Variants in RASGRP2 observed in about 807,000 individuals in gnomAD.
The protein encoded by RASGRP2 is RAS guanyl-releasing protein 2.
In RASGRP2, 44 loss-of-function variants were observed where a neutral mutation model predicts 71.0. The observed-to-expected ratio is 0.62, with a 90% confidence interval of 0.49 to 0.80. The LOEUF (loss-of-function observed/expected upper bound fraction) is 0.80. Ranked by LOEUF, RASGRP2 falls within the 30% of genes least tolerant of loss-of-function variation. The probability of loss-of-function intolerance (pLI) is 0.00; values close to 1 mark genes in which losing one functional copy is unlikely to be tolerated. For missense variants in RASGRP2, 663 were observed against 813.4 expected (o/e 0.82, Z 2.25); for synonymous variants, 350 against 330.7 (o/e 1.06, Z -0.63).
At position 64,735,974 on chromosome 11, in the gene RASGRP2, G is replaced by C. The variant is rs949884432; in HGVS notation, c.1102C>G (p.Leu368Val). Residue 368 changes from leucine to valine, a missense_variant, in exon 10 of 17, where the codon CTG (leucine) becomes GTG (valine). By Grantham distance (32) the Leu-to-Val change is conservative. Coordinates refer to ENST00000394432, the MANE Select transcript of RASGRP2 (RefSeq NM_001098671.2). The surrounding 1 kb of genome is among the most constrained non-coding windows in gnomAD (Gnocchi z 4.2). ...PDLLSLLTVS[L>V]DQYQTEDELY... ...TCATCCTCCGTCTGATACTGATCCAGAGACACCTGGGACACACAGATCTGA... is the reference window on the plus strand; with the variant it reads ...TCATCCTCCGTCTGATACTGATCCACAGACACCTGGGACACACAGATCTGA... The C allele has an allele frequency of 2.5e-6, 4 of 1,613,690 alleles. No homozygotes were observed. The highest frequency in any genetic ancestry group is 1.3e-5 in the African/African-American group (1 of 74,884).
At position 64,741,355 on chromosome 11, in the gene RASGRP2, C is replaced by T. The variant is rs558912311; in HGVS notation, c.239+84G>A. Reference sequence around the variant, plus strand: ...GGTTCAAACCCACTCCCAGAAACAGCGCCCTGCCCCCTCCTCCAGGCCAGC... The same window carrying T: ...GGTTCAAACCCACTCCCAGAAACAGTGCCCTGCCCCCTCCTCCAGGCCAGC... On this transcript the variant is annotated intron_variant, in intron 4 of 16. Transcript: ENST00000394432. The T allele has an allele frequency of 1.5e-5, 21 of 1,403,040 alleles. No homozygotes were observed. In the African/African-American group the frequency reaches 1.6e-4, roughly 11 times the overall value. 86.9% of individuals were successfully genotyped at this position (1,403,040 alleles called of 1,614,324 possible). A position where few individuals can be genotyped will look rare whatever the true frequency, so the allele number is the denominator to read the frequency against.
At position 64,742,406 on chromosome 11, in the gene RASGRP2, G is replaced by A; in HGVS notation, c.74-294C>T. ...GGTTCCCCGGGGTCAAGAATCCAGA[G>A]GTCATTTCCTGAGCGCTTGGGGGGA... On this transcript the variant is annotated intron_variant, in intron 2 of 16. Transcript: ENST00000394432. This position sits in a 1 kb window ranked among gnomAD's most constrained non-coding sequence, Gnocchi z 4.7. The A allele has an allele frequency of 1.7e-6, 1 of 573,374 alleles. No homozygotes were observed. Among genetic ancestry groups the A allele is most frequent in the Non-Finnish European group, 3.1e-6 (1 of 319,718 alleles). The allele number at this position is 573,374 out of a possible 1,614,324, so 35.5% of individuals were successfully genotyped here.
chr11:64,729,113 T>C lies in RASGRP2; in HGVS notation c.1592-71A>G, dbSNP rs1277034479. 33 of 1,474,202 alleles carry C rather than the reference T, an allele frequency of 2.2e-5. 1 individual carries two copies. Among genetic ancestry groups the C allele is most frequent in the Admixed American group, 3.9e-5 (2 of 51,040 alleles). 91.3% of individuals were successfully genotyped at this position (1,474,202 alleles called of 1,614,324 possible). On this transcript the variant is annotated intron_variant, in intron 14 of 16. Transcript: ENST00000394432. ...TACCCTCCATCCCATCCCGCAGGCT[T>C]GTGCCCCCCTACCAGGAACCTTTGT...
upstream of RASGRP2, chr11:64,744,343 T>G (rs1354099630): frequency 1.0e-6 from 1 of 983,524 alleles, no homozygotes; most frequent in Non-Finnish European, 1.2e-6. Flanking sequence ...TCCCCCAGGC[T>G]GGAGGACAGG....
In RASGRP2 at chr11:64,742,503, T is replaced by G; in HGVS notation, c.73+291A>C. 1 of 577,084 alleles carries G rather than the reference T, an allele frequency of 1.7e-6. No individual in the cohort carries two copies. Among genetic ancestry groups the G allele is most frequent in the East Asian group, 2.9e-5 (1 of 34,314 alleles). The allele number at this position is 577,084 out of a possible 1,614,324, so 35.7% of individuals were successfully genotyped here. A position where few individuals can be genotyped will look rare whatever the true frequency, so the allele number is the denominator to read the frequency against. ...AGCTCCCAGGCCGGAGATAGCGAGT[T>G]CCTCCGGATTCCCCGGGAGACAGAT... is the stretch of plus-strand genomic sequence containing the variant. On this transcript the variant is annotated intron_variant, in intron 2 of 16. Coordinates refer to ENST00000394432, the MANE Select transcript of RASGRP2 (RefSeq NM_001098671.2). The surrounding 1 kb of genome is among the most constrained non-coding windows in gnomAD (Gnocchi z 4.7).
At chr11:64,727,192 C>T in intron 16 of RASGRP2, 61 bp from the exon 17 acceptor site, 1 of 990,214 alleles carries the variant, frequency 1.0e-6, no homozygotes, top group Non-Finnish European at 1.6e-6. Flanking sequence ...TAGTAGCCCA[C>T]CTGGCTTGGA....
In RASGRP2 at chr11:64,743,090, GA is replaced by G; in HGVS notation, c.-71-154del. The G allele has an allele frequency of 1.1e-6, 1 of 871,172 alleles. No homozygotes were observed. The highest frequency in any genetic ancestry group is 1.8e-6 in the Non-Finnish European group (1 of 543,436). The allele number at this position is 871,172 out of a possible 1,614,324, so 54.0% of individuals were successfully genotyped here. ...CCCGGGGTTAAACGGTCTGGCCCGG[GA>G]TGGTGCAACCCGCCAGTTGGGAAAC... On this transcript the variant is annotated intron_variant, in intron 1 of 16. Transcript: ENST00000394432. The surrounding 1 kb of genome is among the most constrained non-coding windows in gnomAD (Gnocchi z 4.9).
At chr11:64,734,010 G>A (rs1207650843) in intron 12 of RASGRP2, among the ~76,000 whole-genome samples, 1 of 151,652 alleles carries the variant, frequency 6.6e-6, no homozygotes, top group African/African-American at 2.4e-5. Context: ...TGCCACCCAT[G>A]CCCAAAAAAA....
rs143992382 is a variant in RASGRP2, at chr11:64,736,774, G to A, written c.1074C>T (p.Pro358=). 4.6e-5 allele frequency: 74 copies of A among 1,596,628 alleles called. 1 individual carries two copies. The highest frequency in any genetic ancestry group is 5.5e-5 in the Non-Finnish European group (64 of 1,172,368). The change falls in exon 9 of 17, where the codon CCC becomes CCT. Residue 358 remains proline, a synonymous_variant. Transcript: ENST00000394432. ...TCACCGTGAGCAGGCTCAGCAGGTC[G>A]GGGTTGGCCTGTACTGGTGGCCGCA... ...TSLRPPVQAN[P]DLLSLLTVSL...
At position 64,739,113 on chromosome 11, in the gene RASGRP2, T is replaced by C. The variant is rs540092433; in HGVS notation, c.813+247A>G. 1.3e-5 allele frequency among the ~76,000 whole-genome samples: 2 copies of C among 150,774 alleles called. No homozygotes were observed. The highest frequency in any genetic ancestry group is 4.9e-5 in the African/African-American group (2 of 40,868). The stretch of plus-strand genomic sequence containing the variant: ...GTGACTGCACCACTGAACTCCAGTC[T>C]GGACAACAGAGAGAGAGACCCTGTC... On this transcript the variant is annotated intron_variant, in intron 8 of 16. Coordinates refer to ENST00000394432, the MANE Select transcript of RASGRP2 (RefSeq NM_001098671.2). This position sits in a 1 kb window ranked among gnomAD's most constrained non-coding sequence, Gnocchi z 4.2.
Position 64,739,414 on chromosome 11 carries a change from G to T in RASGRP2, c.759C>A (p.Ser253Arg), listed in dbSNP as rs760934443. ...LMAVVGGLSH[S>R]SISRLKETHS... ...GGGTCTCCTTGAGGCGGGAGATGGAGCTGTGGCTCAGGCCCCCGACCACTG... is the reference window on the plus strand; with the variant it reads ...GGGTCTCCTTGAGGCGGGAGATGGATCTGTGGCTCAGGCCCCCGACCACTG... The change falls in exon 8 of 17, where the codon AGC (serine) becomes AGA (arginine). Residue 253 changes from serine to arginine, a missense_variant. By Grantham distance (110) the Ser-to-Arg change is moderately radical. Transcript: ENST00000394432. This position sits in a 1 kb window ranked among gnomAD's most constrained non-coding sequence, Gnocchi z 4.2. 6.2e-7 allele frequency: 1 copy of T among 1,614,188 alleles called. No homozygotes were observed. Among genetic ancestry groups the T allele is most frequent in the Non-Finnish European group, 8.5e-7 (1 of 1,180,038 alleles).
At chr11:64,732,737 C>T (rs1269917440) in intron 12 of RASGRP2, among the ~76,000 whole-genome samples, 10 of 151,258 alleles carry the variant, frequency 6.6e-5, no homozygotes, top group African/African-American at 2.2e-4. Flanking sequence ...GCCGAGATCG[C>T]GCCACCGCAC....
In RASGRP2 at chr11:64,742,988, C is replaced by G. The variant is rs2058186587; in HGVS notation, c.-71-51G>C. ...GTCTGCGGAGTCGCGGGCGGGGGAG[C>G]GGCCCCGCGGGCAGAAACGGGGCGG... On this transcript the variant is annotated intron_variant, in intron 1 of 16. Transcript: ENST00000394432. The surrounding 1 kb of genome is among the most constrained non-coding windows in gnomAD (Gnocchi z 4.7). The G allele has an allele frequency of 3.3e-6, 5 of 1,502,210 alleles. No homozygotes were observed. In the Admixed American group the frequency reaches 8.5e-5, roughly 25 times the overall value. The allele number at this position is 1,502,210 out of a possible 1,614,324, so 93.1% of individuals were successfully genotyped here.
chr11:64,727,079 T>A lies in RASGRP2; in HGVS notation c.*59A>T. On this transcript the variant is annotated 3_prime_UTR_variant, in exon 17 of 17. Coordinates refer to ENST00000394432, the MANE Select transcript of RASGRP2 (RefSeq NM_001098671.2). ...GCCCCGACACCCCCAGGCTCCCTGC[T>A]CTGGTTGAAGTATTTTCTCCAAGGC... The A allele has an allele frequency of 8.2e-6, 3 of 365,458 alleles. No individual in the cohort carries two copies. The highest frequency in any genetic ancestry group is 1.1e-5 in the Non-Finnish European group (2 of 185,790). 22.6% of individuals were successfully genotyped at this position (365,458 alleles called of 1,614,324 possible). A position where few individuals can be genotyped will look rare whatever the true frequency, so the allele number is the denominator to read the frequency against.
At chr11:64,737,437 A>G (rs945530534) in intron 8 of RASGRP2, among the ~76,000 whole-genome samples, 1 of 152,092 alleles carries the variant, frequency 6.6e-6, no homozygotes, top group Non-Finnish European at 1.5e-5. Flanking sequence ...TTGGGAGGCC[A>G]TGGCAGATGG....
chr11:64,730,213 GC>G lies in RASGRP2; in HGVS notation c.1413-20del. The G allele has an allele frequency of 1.3e-6, 2 of 1,551,486 alleles. No individual in the cohort carries two copies. The highest frequency in any genetic ancestry group is 1.7e-6 in the Non-Finnish European group (2 of 1,147,000). ...GCCATCCCTGTGGGGAGTTGCGGGG[GC>G]GCTTCAGCTCGGGCCCTCCCCAGAA... On this transcript the variant is annotated intron_variant, in intron 12 of 16. Coordinates refer to ENST00000394432, the MANE Select transcript of RASGRP2 (RefSeq NM_001098671.2).
chr11:64,740,642 A>C, intron 5 of RASGRP2: 1 of 646,548 alleles, frequency 1.5e-6, no homozygotes, highest in South Asian at 1.7e-5. Flanking sequence ...AACACGGAGG[A>C]GGCAGCAAGG....
chr11:64,732,424 C>T (rs2057791546), intron 12 of RASGRP2, among the ~76,000 whole-genome samples: 1 of 152,070 alleles, frequency 6.6e-6, no homozygotes, highest in Non-Finnish European at 1.5e-5. Flanking sequence ...TTCGGGAGGC[C>T]GAGGCGGGCG....
chr11:64,742,788 A>T lies in RASGRP2; in HGVS notation c.73+6T>A. The stretch of plus-strand genomic sequence containing the variant: ...CAGGCTCCGTGTGCCCTCCCGAGCC[A>T]CTCACCGAAGGCTTCGATGCACCCG... On this transcript the variant is annotated splice_donor_region_variant and intron_variant, in intron 2 of 16. Transcript: ENST00000394432. The surrounding 1 kb of genome is among the most constrained non-coding windows in gnomAD (Gnocchi z 4.7). 1 of 1,605,310 alleles carries T rather than the reference A, an allele frequency of 6.2e-7. No homozygotes were observed. Among genetic ancestry groups the T allele is most frequent in the Non-Finnish European group, 8.5e-7 (1 of 1,176,806 alleles).
Sources: gnomAD v4.1 joint callset for allele counts (sites outside exome capture counted in the v4.1 genomes callset) on GRCh38, gnomAD v4.1.1 for gene constraint, Gnocchi (gnomAD v3.1) non-coding constraint, MANE v1.5 for transcripts, NCBI Gene and HGNC (gene_info 2026-07-23, HGNC 2026-07-21) for gene names.